PCDHGA3: variants seen among roughly 807,000 people sequenced by gnomAD.
PCDHGA3 encodes the protein protocadherin gamma-A3.
PCDHGA3 carries 40 observed loss-of-function variants against 58.5 expected under a neutral mutation model. The ratio of observed to expected loss-of-function variants is 0.68; its 90% CI spans 0.53 to 0.89. The LOEUF (loss-of-function observed/expected upper bound fraction) is 0.89, where lower values mean the gene tolerates loss of function less well. PCDHGA3 is among the 40% of genes least tolerant of loss of function. The pLI is 0.00. For missense variants in PCDHGA3, 1,223 were observed against 1,195.9 expected (o/e 1.02, Z -0.33); for synonymous variants, 530 against 525.7 (o/e 1.01, Z -0.11).
intron 1 of PCDHGA3, chr5:141,385,044 G>T: frequency 1.9e-6 from 3 of 1,614,146 alleles, no homozygotes; most frequent in South Asian, 2.2e-5. Context: ...TGGCGCTCAG[G>T]CTGCGGCGCT....
chr5:141,384,202 G>A (rs752360983), intron 1 of PCDHGA3: 9 of 1,613,734 alleles, frequency 5.6e-6, no homozygotes, highest in Non-Finnish European at 6.8e-6. Flanking sequence ...CTTGTCCAGG[G>A]AAACTCACAT....
At chr5:141,462,062 A>T (rs957948334) in intron 1 of PCDHGA3, among the ~76,000 whole-genome samples, 3 of 152,168 alleles carry the variant, frequency 2.0e-5, no homozygotes, top group African/African-American at 2.4e-5. Context: ...ACCTCAGGTG[A>T]TCTGCCCGCC....
intron 1 of PCDHGA3, chr5:141,399,297 T>A (rs370898446): frequency 6.2e-7 from 1 of 1,613,830 alleles, no homozygotes; most frequent in African/African-American, 1.3e-5. Context: ...CTTTTAAGAT[T>A]ATCTCTTCAT....
intron 2 of PCDHGA3, among the ~76,000 whole-genome samples, chr5:141,500,184 T>TTTTATTTATTTATTTA (rs58019021): frequency 1.5e-5 from 2 of 135,886 alleles, no homozygotes; most frequent in African/African-American, 5.4e-5. Flanking sequence ...TCATTTTTAT[T>TTTTATTTATTTATTTA]TTTATTTATT....
intron 1 of PCDHGA3, among the ~76,000 whole-genome samples, chr5:141,474,651 C>T (rs2099352565): frequency 6.6e-6 from 1 of 152,178 alleles, no homozygotes; most frequent in South Asian, 2.1e-4. Flanking sequence ...ATCCTTACTT[C>T]TTTTCTACCT....
At chr5:141,443,317 C>A (rs898636207) in intron 1 of PCDHGA3, among the ~76,000 whole-genome samples, 39 of 142,046 alleles carry the variant, frequency 2.7e-4, no homozygotes, top group Non-Finnish European at 2.5e-4. Context: ...CCCATCTCTA[C>A]AAAAAAAAAA....
intron 1 of PCDHGA3, among the ~76,000 whole-genome samples, chr5:141,481,095 C>T (rs1456056389): frequency 1.3e-5 from 2 of 152,120 alleles, no homozygotes; most frequent in African/African-American, 2.4e-5. Context: ...AAAAGCAGTA[C>T]TCTGGAACCT....
chr5:141,357,778 A>T, intron 1 of PCDHGA3: 3 of 896,478 alleles, frequency 3.3e-6, no homozygotes, highest in Non-Finnish European at 5.0e-6. Context: ...AATAATGATC[A>T]ACAGTATTTA....
At chr5:141,359,720 C>T (rs1240719607) in intron 1 of PCDHGA3, among the ~76,000 whole-genome samples, 1 of 152,140 alleles carries the variant, frequency 6.6e-6, no homozygotes, top group Non-Finnish European at 1.5e-5. Context: ...AACTTTAACA[C>T]TCATTTCCCC....
At chr5:141,467,018 CTTTGT>C (rs1209768587) in intron 1 of PCDHGA3, among the ~76,000 whole-genome samples, 4 of 149,992 alleles carry the variant, frequency 2.7e-5, no homozygotes, top group African/African-American at 7.3e-5. Context: ...ATTTTTTTCC[CTTTGT>C]TTTTGTTTTT....
At chr5:141,402,284 T>C (rs2150926780) in intron 1 of PCDHGA3, among the ~76,000 whole-genome samples, 1 of 152,054 alleles carries the variant, frequency 6.6e-6, no homozygotes, top group African/African-American at 2.4e-5. Context: ...GGATAATCTA[T>C]CCTTATATAT....
intron 1 of PCDHGA3, chr5:141,365,046 C>A (rs753242901): frequency 6.2e-7 from 1 of 1,613,884 alleles, no homozygotes; most frequent in Admixed American, 1.7e-5. Context: ...AACGACAATG[C>A]GCCCCTGTTC....
Position 141,485,778 on chromosome 5 carries a change from G to C in PCDHGA3, c.2425-9029G>C. 1 of 1,614,216 alleles carries C rather than the reference G, an allele frequency of 6.2e-7. No homozygotes were observed. Among genetic ancestry groups the C allele is most frequent in the Non-Finnish European group, 8.5e-7 (1 of 1,180,048 alleles). On this transcript the variant is annotated intron_variant, in intron 1 of 3. Transcript: ENST00000253812. The surrounding 1 kb of genome is among the most constrained non-coding windows in gnomAD (Gnocchi z 5.7). ...CTGCTCCTGGAGAAGCCTTTGGATCGAGAGAAGCAATCGGACTACCGCCTG... is the reference window on the plus strand; with the variant it reads ...CTGCTCCTGGAGAAGCCTTTGGATCCAGAGAAGCAATCGGACTACCGCCTG...
At chr5:141,414,336 C>T (rs567878158) in intron 1 of PCDHGA3, 3 of 1,613,846 alleles carry the variant, frequency 1.9e-6, no homozygotes, top group East Asian at 2.2e-5. Flanking sequence ...GACAGGTAAC[C>T]TGTTCCATTT....
At chr5:141,414,897 C>G in intron 1 of PCDHGA3, 1 of 1,614,230 alleles carries the variant, frequency 6.2e-7, no homozygotes, top group Non-Finnish European at 8.5e-7. Flanking sequence ...TCCCCACAGA[C>G]GGTTCCACAG....
chr5:141,360,601 C>A, intron 1 of PCDHGA3: 1 of 1,613,928 alleles, frequency 6.2e-7, no homozygotes, highest in Non-Finnish European at 8.5e-7. Context: ...TCCACTTGAC[C>A]CAGCCCTGGA....
rs115453161 is a variant in PCDHGA3, at chr5:141,365,386, G to A, written c.2424+18929G>A. ...CCCCCGAAGTGATCCTCACCTCTCT[G>A]ACCAGTTCGATCTCTGAAGACTGTC... On this transcript the variant is annotated intron_variant, in intron 1 of 3. Coordinates refer to ENST00000253812, the MANE Select transcript of PCDHGA3 (RefSeq NM_018916.4). 1,074 of 1,613,934 alleles carry A rather than the reference G, an allele frequency of 6.7e-4. 8 individuals carry two copies. In the African/African-American group the frequency reaches 0.012, roughly 19 times the overall value.
At chr5:141,348,137 A>G (rs1000544718) in intron 1 of PCDHGA3, among the ~76,000 whole-genome samples, 1 of 152,268 alleles carries the variant, frequency 6.6e-6, no homozygotes, top group African/African-American at 2.4e-5. Context: ...TCATGAAATC[A>G]TATGAGAGTT....
intron 2 of PCDHGA3, among the ~76,000 whole-genome samples, chr5:141,496,189 G>T (rs1362938002): frequency 1.3e-5 from 2 of 152,004 alleles, no homozygotes; most frequent in African/African-American, 4.8e-5. Context: ...AGCCCCAGCT[G>T]CTCATTTCAA....
Sources: gnomAD v4.1 joint callset for allele counts (sites outside exome capture counted in the v4.1 genomes callset) on GRCh38, gnomAD v4.1.1 for gene constraint, Gnocchi (gnomAD v3.1) non-coding constraint, MANE v1.5 for transcripts, NCBI Gene and HGNC (gene_info 2026-07-23, HGNC 2026-07-21) for gene names.